Variants in IL1RAPL1 observed in about 807,000 individuals in gnomAD.
IL1RAPL1 encodes the protein interleukin-1 receptor accessory protein-like 1.
A neutral mutation model predicts 48.4 loss-of-function variants in IL1RAPL1; 3 were observed. The observed-to-expected ratio is 0.06, with a 90% CI of 0.03 to 0.16. The LOEUF (loss-of-function observed/expected upper bound fraction) is 0.16. IL1RAPL1 is among the 10% of genes least tolerant of loss of function. The probability of loss-of-function intolerance (pLI) is 1.00; values close to 1 mark genes in which losing one functional copy is unlikely to be tolerated. For missense variants in IL1RAPL1, 349 were observed against 530.6 expected (o/e 0.66, Z 3.36); for synonymous variants, 185 against 187.7 (o/e 0.99, Z 0.12).
intron 1 of IL1RAPL1, among the ~76,000 whole-genome samples, chrX:28,615,021 T>C (rs952195850): frequency 3.6e-5 from 4 of 109,870 alleles, no homozygotes; most frequent in Admixed American, 9.8e-5. Flanking sequence ...CCGGAGTAGC[T>C]GGGACTACAG....
intron 5 of IL1RAPL1, among the ~76,000 whole-genome samples, chrX:29,541,598 C>G (rs1253175149): frequency 3.6e-5 from 4 of 111,825 alleles, no homozygotes; most frequent in Admixed American, 1.9e-4. Flanking sequence ...TGGAATACTA[C>G]ACAGCCATAA....
chrX:29,830,391 A>G (rs1195371224), intron 6 of IL1RAPL1, among the ~76,000 whole-genome samples: 1 of 107,798 alleles, frequency 9.3e-6, no homozygotes, highest in Non-Finnish European at 1.9e-5. Context: ...CTTTAAATAT[A>G]TTTTCTTATT....
intron 3 of IL1RAPL1, among the ~76,000 whole-genome samples, chrX:29,351,630 G>T (rs765298118): frequency 2.7e-5 from 3 of 112,332 alleles, no homozygotes; most frequent in African/African-American, 9.7e-5. Context: ...AATATCGAAT[G>T]TACATGGTAA....
At chrX:29,816,441 A>G (rs1320876358) in intron 6 of IL1RAPL1, among the ~76,000 whole-genome samples, 1 of 110,522 alleles carries the variant, frequency 9.0e-6, no homozygotes, top group Non-Finnish European at 1.9e-5. Flanking sequence ...AAACCTACCA[A>G]TGAAAAAAAG....
intron 2 of IL1RAPL1, among the ~76,000 whole-genome samples, chrX:28,849,386 C>T (rs1921599242): frequency 8.9e-6 from 1 of 111,823 alleles, no homozygotes; most frequent in African/African-American, 3.2e-5. Context: ...TCAGACATTC[C>T]TATTGGGATA....
chrX:28,799,810 A>G (rs981769668), intron 2 of IL1RAPL1, among the ~76,000 whole-genome samples: 6 of 111,763 alleles, frequency 5.4e-5, no homozygotes, highest in Middle Eastern at 4.6e-3. Context: ...ATTCGAGGAG[A>G]GGTTATATTG....
At chrX:29,040,140 C>T (rs151262081) in intron 2 of IL1RAPL1, among the ~76,000 whole-genome samples, 1 of 112,285 alleles carries the variant, frequency 8.9e-6, no homozygotes, top group Non-Finnish European at 1.9e-5. Flanking sequence ...TATATTTGTA[C>T]TGTTGGAAAA....
At chrX:29,068,088 TGCTA>T (rs1216266658) in intron 2 of IL1RAPL1, among the ~76,000 whole-genome samples, 4 of 112,032 alleles carry the variant, frequency 3.6e-5, no homozygotes, top group African/African-American at 1.3e-4. Context: ...TTTTATTAAA[TGCTA>T]GCTTAGTCCA....
intron 6 of IL1RAPL1, among the ~76,000 whole-genome samples, chrX:29,891,477 T>C (rs894008424): frequency 9.0e-6 from 1 of 111,466 alleles, no homozygotes; most frequent in African/African-American, 3.3e-5. Context: ...AGAGTTCTCC[T>C]CACAGGCACT....
intron 6 of IL1RAPL1, among the ~76,000 whole-genome samples, chrX:29,795,740 T>C (rs1002980153): frequency 8.9e-6 from 1 of 112,930 alleles, no homozygotes; most frequent in Non-Finnish European, 1.9e-5. Flanking sequence ...GTTGACTGCA[T>C]ATAACTTTTT....
intron 5 of IL1RAPL1, among the ~76,000 whole-genome samples, chrX:29,614,912 A>G (rs1418650266): frequency 9.1e-6 from 1 of 109,728 alleles, no homozygotes; most frequent in Non-Finnish European, 1.9e-5. Flanking sequence ...GTGAGCGGAG[A>G]TCGCGACACT....
intron 6 of IL1RAPL1, among the ~76,000 whole-genome samples, chrX:29,842,230 TG>T (rs1329930655): frequency 1.8e-5 from 2 of 112,289 alleles, no homozygotes; most frequent in African/African-American, 6.5e-5. Flanking sequence ...ATTATGGCAA[TG>T]TACTCAAAAG....
At chrX:29,179,160 G>A (rs1006184998) in intron 2 of IL1RAPL1, among the ~76,000 whole-genome samples, 8 of 110,772 alleles carry the variant, frequency 7.2e-5, no homozygotes, top group African/African-American at 2.6e-4. Flanking sequence ...GATGGGAATG[G>A]CATTGAATCT....
At chrX:29,255,123 TTGTG>T (rs35193739) in intron 2 of IL1RAPL1, among the ~76,000 whole-genome samples, 32 of 97,056 alleles carry the variant, frequency 3.3e-4, no homozygotes, top group Non-Finnish European at 6.2e-4. Context: ...ACTAAGGTAT[TTGTG>T]TGTGTGTGTG....
intron 3 of IL1RAPL1, among the ~76,000 whole-genome samples, chrX:29,319,516 TTGTA>T (rs752096218): frequency 0.056 from 5,068 of 91,113 alleles, 258 homozygotes; most frequent in African/African-American, 0.14. Context: ...ATGTGATATT[TTGTA>T]TGTATGTATG....
At chrX:28,922,084 A>G (rs1923628856) in intron 2 of IL1RAPL1, among the ~76,000 whole-genome samples, 1 of 111,807 alleles carries the variant, frequency 8.9e-6, no homozygotes, top group Non-Finnish European at 1.9e-5. Flanking sequence ...AGAAATTTAC[A>G]TGTCCATCAG....
At chrX:29,054,615 T>C (rs761480228) in intron 2 of IL1RAPL1, among the ~76,000 whole-genome samples, 52 of 109,928 alleles carry the variant, frequency 4.7e-4, no homozygotes, top group Non-Finnish European at 8.7e-4. Flanking sequence ...ACAAAGAAAA[T>C]ATTTGATTTA....
At chrX:29,544,858 G>C (rs1490822006) in intron 5 of IL1RAPL1, among the ~76,000 whole-genome samples, 1 of 110,043 alleles carries the variant, frequency 9.1e-6, no homozygotes, top group Non-Finnish European at 1.9e-5. Context: ...TGTATTTGGA[G>C]AGATTGCTTT....
At chrX:29,641,235 C>T (rs1276856660) in intron 5 of IL1RAPL1, among the ~76,000 whole-genome samples, 1 of 112,566 alleles carries the variant, frequency 8.9e-6, no homozygotes, top group Non-Finnish European at 1.9e-5. Context: ...AATTTCAATC[C>T]CAAGGTTCAA....
Sources: allele counts gnomAD v4.1 joint callset (sites outside exome capture counted in the v4.1 genomes callset), GRCh38; gene constraint gnomAD v4.1.1; transcripts MANE v1.5; gene names NCBI Gene and HGNC (gene_info 2026-07-23, HGNC 2026-07-21).